The following AREL1 variants were observed in gnomAD, a reference collection of about 807,000 sequenced individuals.
The protein encoded by AREL1 is apoptosis-resistant E3 ubiquitin protein ligase 1.
Under a neutral mutation model 99.0 loss-of-function variants are expected in AREL1, and 62 were observed. The observed-to-expected ratio is 0.63, with a 90% CI of 0.51 to 0.77. The LOEUF (loss-of-function observed/expected upper bound fraction) is 0.77. Ranked by LOEUF, AREL1 falls within the 30% of genes least tolerant of loss-of-function variation. The pLI is 0.00. For missense variants in AREL1, 879 were observed against 1,027.6 expected (o/e 0.86, Z 1.98); for synonymous variants, 380 against 376.5 (o/e 1.01, Z -0.11).
At chr14:74,702,062 G>A (rs1006691137) in intron 1 of AREL1, among the ~76,000 whole-genome samples, 5 of 152,188 alleles carry the variant, frequency 3.3e-5, no homozygotes, top group East Asian at 1.9e-4. Flanking sequence ...AGCTGCTTTC[G>A]TGGGCTAGCA....
At chr14:74,702,600 C>T (rs1366364068) in intron 1 of AREL1, among the ~76,000 whole-genome samples, 2 of 152,148 alleles carry the variant, frequency 1.3e-5, no homozygotes, top group Non-Finnish European at 2.9e-5. Flanking sequence ...TCTGACATGC[C>T]CTGGAGACAT....
intron 5 of AREL1, among the ~76,000 whole-genome samples, chr14:74,679,042 G>A (rs1027467886): frequency 6.6e-6 from 1 of 152,150 alleles, no homozygotes; most frequent in Non-Finnish European, 1.5e-5. Flanking sequence ...TGGGACTAAA[G>A]GTGCACGCCA....
rs769933526 is a variant in AREL1 at position 74,683,368 on chromosome 14, G to T, written c.409C>A (p.Arg137Ser). The T allele has an allele frequency of 3.7e-6, 6 of 1,614,066 alleles. No homozygotes were observed. Among genetic ancestry groups the T allele is most frequent in the Non-Finnish European group, 5.1e-6 (6 of 1,180,020 alleles). The part of the protein sequence containing the change: ...KVAFTVRKAG[R>S]YEITVKLGGL... ...CCAAGCTTCACTGTGATTTCATAAC[G>T]CCCAGCCTTGCGCACAGTGAAGGCC... Residue 137 changes from arginine (R) to serine (S), a missense_variant, in exon 5 of 20, where the codon CGT becomes AGT. Transcript: ENST00000356357.
In AREL1 at chr14:74,670,121, A is replaced by G; in HGVS notation, c.1614T>C (p.His538=). ...GATGAGCGGGGCGATTAGGGTTGGG[A>G]TGCACCTGTCCAAGAAAGAGACTGA... ...RFSDNNQALV[H]PNPNRPAHLR... is the part of the protein sequence containing the mutation. Residue 538 remains histidine, a synonymous_variant, in exon 14 of 20, where the codon CAT becomes CAC. Transcript: ENST00000356357. The G allele has an allele frequency of 1.9e-6, 3 of 1,602,580 alleles. No individual in the cohort carries two copies. Among genetic ancestry groups the G allele is most frequent in the Non-Finnish European group, 2.6e-6 (3 of 1,173,166 alleles).
rs370877926 is a variant in AREL1 at position 74,700,899 on chromosome 14, T to G, written c.-333-8571A>C. 2.6e-5 allele frequency among the ~76,000 whole-genome samples: 4 copies of G among 152,176 alleles called. No individual in the cohort carries two copies. In the South Asian group the frequency reaches 8.3e-4, roughly 32 times the overall value. On this transcript the variant is annotated intron_variant, in intron 1 of 19. Transcript: ENST00000356357. ...CCGAGAGAGAAAAAGGATCACACAT[T>G]TTAAATGAAGTAACTCTGGGGACAA...
At position 74,688,020 on chromosome 14, in the gene AREL1, T is replaced by A. The variant is rs201735885; in HGVS notation, c.-45-2360A>T. On this transcript the variant is annotated intron_variant, in intron 2 of 19. Transcript: ENST00000356357. ...CGTCCAACAAATACTGAGTACTTAC[T>A]TTTTTTTTTTTTTTTTTTTTTTTTT... Among the ~76,000 whole-genome samples, 994 of 108,942 alleles carry A rather than the reference T, an allele frequency of 9.1e-3. 7 individuals are homozygous for A. Among genetic ancestry groups the A allele is most frequent in the South Asian group, 0.038 (128 of 3,390 alleles). 71.5% of individuals were successfully genotyped at this position (108,942 alleles called of 152,430 possible). A position where few individuals can be genotyped will look rare whatever the true frequency, so the allele number is the denominator to read the frequency against.
Position 74,663,293 on chromosome 14 carries a change from T to A in AREL1, c.*427A>T, listed in dbSNP as rs2089127744. The A allele has an allele frequency of 4.1e-6, 1 of 243,090 alleles. No individual in the cohort carries two copies. The highest frequency in any genetic ancestry group is 8.3e-6 in the Non-Finnish European group (1 of 120,746). 15.1% of individuals were successfully genotyped at this position (243,090 alleles called of 1,614,324 possible). ...CCCATGAGAAGGACTCAAGTACCAG[T>A]CTGGTCAAGTAGTGAGGGCCAAAGA... On this transcript the variant is annotated 3_prime_UTR_variant, in exon 20 of 20. Transcript: ENST00000356357.
chr14:74,664,448 C>CTTTTTTTTT (rs56728679), intron 18 of AREL1, among the ~76,000 whole-genome samples: 2 of 76,896 alleles, frequency 2.6e-5, no homozygotes, highest in Non-Finnish European at 2.4e-5. Context: ...CTTTTCCTTT[C>CTTTTTTTTT]TTTTTTTTTT....
chr14:74,696,411 C>A (rs2089980068), intron 1 of AREL1, among the ~76,000 whole-genome samples: 1 of 152,196 alleles, frequency 6.6e-6, no homozygotes, highest in African/African-American at 2.4e-5. Flanking sequence ...GTATGTATTT[C>A]ATACAATCAT....
chr14:74,663,734 A>G lies in AREL1; in HGVS notation c.2458T>C (p.Phe820Leu). The change falls in exon 20 of 20, where the codon TTT becomes CTT. Residue 820 changes from phenylalanine (F) to leucine (L), a missense_variant. Coordinates refer to ENST00000356357, the MANE Select transcript of AREL1 (RefSeq NM_001039479.2). ...CAGGAGAGTGGTCAGAGCATGCCAA[A>G]GCCCTCGCAACCCTCGCTGATGGCC... ...QLAISEGCEG[F>L]GML 1 of 1,614,074 alleles carries G rather than the reference A, an allele frequency of 6.2e-7. No individual in the cohort carries two copies. Among genetic ancestry groups the G allele is most frequent in the South Asian group, 1.1e-5 (1 of 91,078 alleles).
intron 3 of AREL1, 117 bp downstream of exon 3, chr14:74,685,483 C>A: frequency 2.4e-6 from 3 of 1,231,064 alleles, no homozygotes; most frequent in Admixed American, 2.0e-5. Context: ...TACATTCTGG[C>A]ACGACTAGAA....
intron 5 of AREL1, chr14:74,678,086 A>C (rs1012388505): frequency 2.5e-6 from 1 of 404,958 alleles, no homozygotes; most frequent in African/African-American, 2.1e-5. Context: ...TTATAGATTT[A>C]GTTAAGATTA....
chr14:74,663,562 G>A lies in AREL1; in HGVS notation c.*158C>T. ...ATGGGCAGGGAGCAGGTGAGGTAAA[G>A]ACAAGGCTTGTAGGTGACAAAATCC... On this transcript the variant is annotated 3_prime_UTR_variant, in exon 20 of 20. Coordinates refer to ENST00000356357, the MANE Select transcript of AREL1 (RefSeq NM_001039479.2). 1 of 766,522 alleles carries A rather than the reference G, an allele frequency of 1.3e-6. No homozygotes were observed. The highest frequency in any genetic ancestry group is 2.2e-6 in the Non-Finnish European group (1 of 448,012). The allele number at this position is 766,522 out of a possible 1,614,324, so 47.5% of individuals were successfully genotyped here.
chr14:74,689,710 C>T (rs1051682586), intron 2 of AREL1, among the ~76,000 whole-genome samples: 6 of 150,472 alleles, frequency 4.0e-5, no homozygotes, highest in Non-Finnish European at 8.9e-5. Context: ...GATTCTCCTG[C>T]CTCAGCCTCC....
rs1250718382 is a variant in AREL1, at chr14:74,675,424, C to T, written c.1080+275G>A. 5.3e-5 allele frequency among the ~76,000 whole-genome samples: 8 copies of T among 152,190 alleles called. 1 individual carries two copies. The East Asian group carries it at 1.5e-3, about 29-fold the overall frequency. Reference sequence around the variant, plus strand: ...CACCTTCTTTCCTCTGCCAAAATTTCTTTACTCCAATCCTGTAGCCTAATA... The same window carrying T: ...CACCTTCTTTCCTCTGCCAAAATTTTTTTACTCCAATCCTGTAGCCTAATA... On this transcript the variant is annotated intron_variant, in intron 8 of 19. Transcript: ENST00000356357.
At position 74,676,689 on chromosome 14, in the gene AREL1, C is replaced by T. The variant is rs1444017046; in HGVS notation, c.545G>A (p.Gly182Glu). ...TACTATTTGAAGGGTGTGCGGCTGCCCACAGGTCAATACAAGAGTAGAAAA... is the reference window on the plus strand; with the variant it reads ...TACTATTTGAAGGGTGTGCGGCTGCTCACAGGTCAATACAAGAGTAGAAAA... ...CHFSTLVLTCGQPHTLQIVPR... is the reference protein window; with the variant it reads ...CHFSTLVLTCEQPHTLQIVPR... Residue 182 changes from glycine (G) to glutamate (E), a missense_variant, in exon 6 of 20, where the codon GGG becomes GAG. Transcript: ENST00000356357. 2.5e-6 allele frequency: 4 copies of T among 1,613,950 alleles called. No homozygotes were observed. The highest frequency in any genetic ancestry group is 2.5e-6 in the Non-Finnish European group (3 of 1,179,932).
intron 4 of AREL1, 132 bp downstream of exon 4, chr14:74,684,322 T>C (rs772062309): frequency 6.8e-6 from 5 of 736,768 alleles, no homozygotes; most frequent in Admixed American, 2.7e-5. Flanking sequence ...CTTCAGATAG[T>C]AGCAATTCAC....
At chr14:74,695,466 T>C (rs1402413015) in intron 1 of AREL1, among the ~76,000 whole-genome samples, 2 of 152,132 alleles carry the variant, frequency 1.3e-5, no homozygotes, top group African/African-American at 4.8e-5. Context: ...TAACTCCTAG[T>C]TGTAATATAA....
intron 2 of AREL1, among the ~76,000 whole-genome samples, chr14:74,687,280 A>G (rs950215714): frequency 4.6e-5 from 7 of 152,200 alleles, no homozygotes; most frequent in Non-Finnish European, 1.0e-4. Context: ...GAGGGCTAGA[A>G]AAATTCCCAC....
Sources: gnomAD v4.1 joint callset for allele counts (sites outside exome capture counted in the v4.1 genomes callset) on GRCh38, gnomAD v4.1.1 for gene constraint, MANE v1.5 for transcripts, NCBI Gene and HGNC (gene_info 2026-07-23, HGNC 2026-07-21) for gene names.